SEC24D: variants seen among roughly 807,000 people sequenced by gnomAD.
SEC24D encodes the protein SEC24 homolog D, COPII component.
SEC24D carries 69 observed loss-of-function variants against 116.9 expected under a neutral mutation model. The observed-to-expected ratio is 0.59, with a 90% CI of 0.49 to 0.72. The LOEUF (loss-of-function observed/expected upper bound fraction) is 0.72. Ranked by LOEUF, SEC24D falls within the 30% of genes least tolerant of loss-of-function variation. SEC24D has a pLI of 0.00. For synonymous variants in SEC24D, 405 were observed against 442.8 expected (o/e 0.91, Z 1.07); for missense variants, 1,131 against 1,264.1 (o/e 0.89, Z 1.60).
chr4:118,829,528 A>G (rs995846538), intron 2 of SEC24D, among the ~76,000 whole-genome samples: 6 of 151,888 alleles, frequency 4.0e-5, no homozygotes, highest in African/African-American at 7.3e-5. Context: ...AAAAAGTGTT[A>G]GGGGCCAGGC....
At position 118,740,763 on chromosome 4, in the gene SEC24D, G is replaced by T. The variant is rs757981450; in HGVS notation, c.2138C>A (p.Thr713Asn). 1 of 1,613,936 alleles carries T rather than the reference G, an allele frequency of 6.2e-7. No homozygotes were observed. The highest frequency in any genetic ancestry group is 1.1e-5 in the South Asian group (1 of 91,078). Residue 713 changes from threonine (T) to asparagine (N), a missense_variant, in exon 17 of 23, where the codon ACC becomes AAC. Coordinates refer to ENST00000280551, the MANE Select transcript of SEC24D (RefSeq NM_014822.4). ...DFFGGILMNN[T>N]TDVEMAAIDC... ...GATGGCAGCCATTTCTACATCGGTG[G>T]TGTTGTTCATCAAGATTCCACCAAA...
In SEC24D at chr4:118,732,726, T is replaced by C. The variant is rs1202846888; in HGVS notation, c.2676+7A>G. The C allele has an allele frequency of 6.2e-7, 1 of 1,613,336 alleles. No individual in the cohort carries two copies. Among genetic ancestry groups the C allele is most frequent in the Non-Finnish European group, 8.5e-7 (1 of 1,179,538 alleles). On this transcript the variant is annotated splice_region_variant and intron_variant, in intron 20 of 22. Transcript: ENST00000280551. ...CTCTGGGAAATGCACCACCCCAGCA[T>C]GCTTACTATGGGCAGAAGTTGTGGG...
chr4:118,782,875 G>A (rs1476848502), intron 8 of SEC24D, among the ~76,000 whole-genome samples: 1 of 152,220 alleles, frequency 6.6e-6, no homozygotes, highest in Non-Finnish European at 1.5e-5. Flanking sequence ...CACTAGCCGT[G>A]AGCAAGACTC....
At chr4:118,782,895 G>A (rs1287452647) in intron 8 of SEC24D, among the ~76,000 whole-genome samples, 1 of 152,212 alleles carries the variant, frequency 6.6e-6, no homozygotes, top group Admixed American at 6.5e-5. Flanking sequence ...CCTTGGGTGT[G>A]GGACCCACCG....
At chr4:118,779,768 C>G (rs1728312501) in intron 8 of SEC24D, among the ~76,000 whole-genome samples, 1 of 152,176 alleles carries the variant, frequency 6.6e-6, no homozygotes, top group African/African-American at 2.4e-5. Context: ...TTGATTATTG[C>G]CTCAATTTCA....
At chr4:118,834,355 T>A (rs1350151547) in intron 1 of SEC24D, among the ~76,000 whole-genome samples, 1 of 152,200 alleles carries the variant, frequency 6.6e-6, no homozygotes, top group Admixed American at 6.5e-5. Context: ...GCGACAGAAT[T>A]TCTTTCTAAT....
intron 18 of SEC24D, among the ~76,000 whole-genome samples, chr4:118,738,675 T>C (rs556701332): frequency 1.3e-5 from 2 of 152,302 alleles, no homozygotes; most frequent in South Asian, 2.1e-4. Context: ...TTTTTTGATG[T>C]CCTGAATTCT....
intron 8 of SEC24D, among the ~76,000 whole-genome samples, chr4:118,792,973 G>C (rs189311382): frequency 4.6e-5 from 7 of 152,320 alleles, no homozygotes; most frequent in Non-Finnish European, 7.4e-5. Context: ...AGTAGCAACA[G>C]CAGCTGTTAC....
intron 10 of SEC24D, 50 bp downstream of exon 10, chr4:118,764,752 C>T (rs767860287): frequency 9.6e-6 from 10 of 1,041,500 alleles, no homozygotes; most frequent in South Asian, 5.3e-5. Context: ...AAGTTATTCA[C>T]TTGAATTTAA....
chr4:118,788,561 T>C lies in SEC24D; in HGVS notation c.1041+9122A>G, dbSNP rs540347630. On this transcript the variant is annotated intron_variant, in intron 8 of 22. Coordinates refer to ENST00000280551, the MANE Select transcript of SEC24D (RefSeq NM_014822.4). ...AAAGAGAACCTCTCTCATTAATATG[T>C]GATAGAAGAAACTGAGTTAATTCTC... is the stretch of plus-strand genomic sequence containing the variant. Among the ~76,000 whole-genome samples, 47 of 152,342 alleles carry C rather than the reference T, an allele frequency of 3.1e-4. 1 individual carries two copies. The highest frequency in any genetic ancestry group is 1.1e-3 in the African/African-American group (44 of 41,576).
chr4:118,751,236 T>G (rs533484421), intron 13 of SEC24D, among the ~76,000 whole-genome samples: 2 of 145,600 alleles, frequency 1.4e-5, no homozygotes, highest in African/African-American at 2.5e-5. Context: ...TGGAGTGCAA[T>G]GGCACCATCT....
At position 118,768,286 on chromosome 4, in the gene SEC24D, C is replaced by T; in HGVS notation, c.1067G>A (p.Gly356Asp). ...GTTGCATCTGACTGGTCCACTCTCG[C>T]CGTGATTTACCAAGTAAAGGGGACT... ...NESPLYLVNH[G>D]ESGPVRCNRC... Residue 356 changes from glycine to aspartate, a missense_variant, in exon 9 of 23, where the codon GGC (glycine) becomes GAC (aspartate). Physicochemically the swap from Gly to Asp is moderately conservative, Grantham distance 94. Transcript: ENST00000280551. The T allele has an allele frequency of 6.2e-7, 1 of 1,613,632 alleles. No homozygotes were observed. The highest frequency in any genetic ancestry group is 8.5e-7 in the Non-Finnish European group (1 of 1,179,830).
intron 7 of SEC24D, among the ~76,000 whole-genome samples, chr4:118,804,585 GA>G (rs532945780): frequency 0.015 from 2,254 of 147,656 alleles, 49 homozygotes; most frequent in African/African-American, 0.052. Flanking sequence ...CACAGTGATA[GA>G]AAAAAAAAAT....
intron 8 of SEC24D, among the ~76,000 whole-genome samples, chr4:118,785,897 T>G (rs1728647629): frequency 6.6e-6 from 1 of 152,158 alleles, no homozygotes; most frequent in Non-Finnish European, 1.5e-5. Context: ...CTTCTCTTTC[T>G]TGTATATAGC....
intron 22 of SEC24D, 86 bp downstream of exon 22, chr4:118,728,475 G>A (rs930018149): frequency 1.7e-5 from 13 of 744,428 alleles, no homozygotes; most frequent in African/African-American, 8.9e-5. Context: ...CAAAGATCAC[G>A]TCATAAAAAT....
chr4:118,810,074 CTGTG>C (rs71595321), intron 6 of SEC24D, among the ~76,000 whole-genome samples: 2,323 of 38,346 alleles, frequency 0.061, 26 homozygotes, highest in Middle Eastern at 0.093. Context: ...TCAGAGGTAG[CTGTG>C]TGTGTGTGTG....
intron 8 of SEC24D, among the ~76,000 whole-genome samples, chr4:118,787,802 G>T (rs773880986): frequency 1.3e-5 from 2 of 152,040 alleles, no homozygotes; most frequent in Non-Finnish European, 2.9e-5. Flanking sequence ...GTGAAATCTT[G>T]TCTCAATAAA....
chr4:118,732,897 A>T lies in SEC24D; in HGVS notation c.2512T>A (p.Ser838Thr). 1 of 1,613,394 alleles carries T rather than the reference A, an allele frequency of 6.2e-7. No homozygotes were observed. The highest frequency in any genetic ancestry group is 8.5e-7 in the Non-Finnish European group (1 of 1,179,574). The change falls in exon 20 of 23, where the codon TCC becomes ACC. Residue 838 changes from serine to threonine, a missense_variant. Physicochemically the swap from Ser to Thr is moderately conservative, Grantham distance 58. Coordinates refer to ENST00000280551, the MANE Select transcript of SEC24D (RefSeq NM_014822.4). ...SAASQLILPD[S>T]MKVLPVYMNC... The stretch of plus-strand genomic sequence containing the variant: ...ATGTACACTGGCAATACTTTCATGG[A>T]ATCTGGTAGAATAAGCTGAAAAAGA...
intron 9 of SEC24D, chr4:118,766,688 A>G (rs541600796): frequency 6.6e-6 from 1 of 152,222 alleles, no homozygotes; most frequent in African/African-American, 2.4e-5. Context: ...CATGGTGGGT[A>G]TGATTTTGGT....
Sources: allele counts gnomAD v4.1 joint callset (sites outside exome capture counted in the v4.1 genomes callset), GRCh38; gene constraint gnomAD v4.1.1; transcripts MANE v1.5; gene names NCBI Gene and HGNC (gene_info 2026-07-23, HGNC 2026-07-21).